GSE1: variants seen among roughly 807,000 people sequenced by gnomAD.
GSE1 encodes the protein Gse1 coiled-coil protein.
GSE1 carries 32 observed loss-of-function variants against 112.6 expected under a neutral mutation model. The observed-to-expected ratio is 0.28, with a 90% confidence interval of 0.21 to 0.38. GSE1 has a LOEUF of 0.38. Ranked by LOEUF, GSE1 falls within the 10% of genes least tolerant of loss-of-function variation. GSE1 has a pLI of 1.00. For missense variants in GSE1, 2,348 were observed against 1,699.2 expected, an observed-to-expected ratio of 1.38 and a Z score of -6.71; for synonymous variants, 1,115 against 735.6, an observed-to-expected ratio of 1.52 and a Z score of -8.35.
chr16:85,261,082 C>T (rs1020323308), intron 1 of GSE1, among the ~76,000 whole-genome samples: 1 of 152,216 alleles, frequency 6.6e-6, no homozygotes, highest in Non-Finnish European at 1.5e-5. Flanking sequence ...AGGCCTCACC[C>T]AGTGCTCTAA....
intron 3 of GSE1, among the ~76,000 whole-genome samples, chr16:85,651,506 C>G (rs972822194): frequency 4.6e-5 from 7 of 152,178 alleles, no homozygotes; most frequent in Non-Finnish European, 1.0e-4. Context: ...AGAAGGGGTT[C>G]AAGGGCCGTG....
chr16:85,598,394 A>C (rs2047326256), intron 1 of GSE1, among the ~76,000 whole-genome samples: 1 of 151,890 alleles, frequency 6.6e-6, no homozygotes, highest in South Asian at 2.1e-4. Context: ...CTTTCAGGAG[A>C]ATGCCCAGCC....
intron 2 of GSE1, among the ~76,000 whole-genome samples, chr16:85,503,989 G>A (rs951297603): frequency 4.6e-5 from 7 of 152,238 alleles, no homozygotes; most frequent in African/African-American, 1.7e-4. Context: ...AGGTGTGGCG[G>A]TGGTCACCGG....
At chr16:85,209,532 C>G (rs925681073) in intron 1 of GSE1, among the ~76,000 whole-genome samples, 1 of 151,914 alleles carries the variant, frequency 6.6e-6, no homozygotes, top group African/African-American at 2.4e-5. Context: ...CCATCACCAT[C>G]GCTGCCCCAC....
rs368834236 is a variant in GSE1, at chr16:85,626,772, G to GCGGGAGGC, written c.8-7134_8-7127dup. On this transcript the variant is annotated intron_variant, in intron 1 of 15. Coordinates refer to ENST00000253458, the MANE Select transcript of GSE1 (RefSeq NM_014615.5). Reference sequence around the variant, plus strand: ...AAAGGAAGCAGTAATTACGGGATCCGCGGGAGGCCGGGAGGGCGGCTGGCA... The same window carrying GCGGGAGGC: ...AAAGGAAGCAGTAATTACGGGATCCGCGGGAGGCCGGGAGGCCGGGAGGGCGGCTGGCA... 4.8e-3 allele frequency among the ~76,000 whole-genome samples: 724 copies of GCGGGAGGC among 152,250 alleles called. 5 individuals carry two copies. Among genetic ancestry groups the GCGGGAGGC allele is most frequent in the African/African-American group, 0.016 (668 of 41,532 alleles).
At chr16:85,294,013 C>T (rs1437383382) in intron 1 of GSE1, among the ~76,000 whole-genome samples, 1 of 152,212 alleles carries the variant, frequency 6.6e-6, no homozygotes, top group Non-Finnish European at 1.5e-5. Context: ...GAGGCGCCCT[C>T]TGTGCAATGG....
At chr16:85,250,637 T>G (rs1338794083) in intron 1 of GSE1, among the ~76,000 whole-genome samples, 1 of 152,230 alleles carries the variant, frequency 6.6e-6, no homozygotes, top group Non-Finnish European at 1.5e-5. Context: ...AGTGCTATTT[T>G]AAGTGCAGTT....
chr16:85,389,798 A>T (rs1369317047), intron 2 of GSE1, among the ~76,000 whole-genome samples: 1 of 152,230 alleles, frequency 6.6e-6, no homozygotes, highest in African/African-American at 2.4e-5. Context: ...CCTGCAAGGC[A>T]GGTGCTAGTA....
rs1192225433 is a variant in GSE1 at position 85,674,599 on chromosome 16, T to A, written c.*2060T>A. The A allele has an allele frequency of 6.6e-6, 1 of 152,232 alleles. No homozygotes were observed. The highest frequency in any genetic ancestry group is 1.9e-4 in the East Asian group (1 of 5,200). The allele number at this position is 152,232 out of a possible 1,614,324, so 9.4% of individuals were successfully genotyped here. A position where few individuals can be genotyped will look rare whatever the true frequency, so the allele number is the denominator to read the frequency against. On this transcript the variant is annotated 3_prime_UTR_variant, in exon 16 of 16. Transcript: ENST00000253458. Reference sequence around the variant, plus strand: ...GCACTTCCGCTCTCAGGCCTCCTCCTCCATCACAGATGTCTGGATGCTTTT... The same window carrying A: ...GCACTTCCGCTCTCAGGCCTCCTCCACCATCACAGATGTCTGGATGCTTTT...
chr16:85,645,720 C>G (rs1009778288), intron 2 of GSE1, among the ~76,000 whole-genome samples: 1 of 152,104 alleles, frequency 6.6e-6, no homozygotes, highest in Non-Finnish European at 1.5e-5. Context: ...GCCCCCGGAA[C>G]CAAGGCCAGG....
intron 1 of GSE1, among the ~76,000 whole-genome samples, chr16:85,569,380 G>C (rs573452184): frequency 6.6e-6 from 1 of 152,224 alleles, no homozygotes; most frequent in Admixed American, 6.5e-5. Context: ...CCAAGTGGTC[G>C]GATGTGAATT....
chr16:85,650,543 G>A (rs1004097040), intron 3 of GSE1, among the ~76,000 whole-genome samples: 6 of 152,296 alleles, frequency 3.9e-5, no homozygotes, highest in South Asian at 4.1e-4. Context: ...CGACTCCTCC[G>A]CTCTGAGCTG....
chr16:85,594,279 C>T (rs907813713), intron 1 of GSE1: 1 of 151,724 alleles, frequency 6.6e-6, no homozygotes, highest in African/African-American at 2.4e-5. Flanking sequence ...TTGGAACCGC[C>T]AGACCTCCCT....
intron 1 of GSE1, among the ~76,000 whole-genome samples, chr16:85,192,876 G>C (rs897816632): frequency 6.6e-6 from 1 of 152,218 alleles, no homozygotes; most frequent in Non-Finnish European, 1.5e-5. Context: ...TTGGGAAGAA[G>C]GGGGGATTTG....
chr16:85,604,167 C>T (rs1344315254), intron 1 of GSE1, among the ~76,000 whole-genome samples: 1 of 152,126 alleles, frequency 6.6e-6, no homozygotes. Context: ...CATTAGCAGC[C>T]ACTCCCCTCT....
Position 85,443,404 on chromosome 16 carries a change from G to A in GSE1, c.2464+85761G>A, listed in dbSNP as rs115776402. Among the ~76,000 whole-genome samples, 462 of 152,328 alleles carry A rather than the reference G, an allele frequency of 3.0e-3. 4 individuals are homozygous for A. The highest frequency in any genetic ancestry group is 0.011 in the African/African-American group (442 of 41,584). On this transcript the variant is annotated intron_variant, in intron 2 of 2. Transcript: ENST00000637419. ...CTCGGGCCAGTGTCTTCACCTCCAT[G>A]TGGCCACTTCTCCACCTGTAAAACA...
chr16:85,467,766 T>G (rs964389627), intron 2 of GSE1, among the ~76,000 whole-genome samples: 2 of 152,144 alleles, frequency 1.3e-5, no homozygotes, highest in African/African-American at 2.4e-5. Flanking sequence ...AGATACCCCC[T>G]CCAGATGGGA....
intron 2 of GSE1, among the ~76,000 whole-genome samples, chr16:85,367,041 C>T (rs2151590423): frequency 6.6e-6 from 1 of 152,330 alleles, no homozygotes; most frequent in South Asian, 2.1e-4. Context: ...GTGCCTTGGC[C>T]CGCCTGGCCA....
intron 2 of GSE1, among the ~76,000 whole-genome samples, chr16:85,493,289 C>G (rs992417782): frequency 5.9e-5 from 9 of 151,852 alleles, no homozygotes; most frequent in African/African-American, 2.2e-4. Context: ...ATTTCTATAA[C>G]AAAATAATAT....
Sources: allele counts gnomAD v4.1 joint callset (sites outside exome capture counted in the v4.1 genomes callset), GRCh38; gene constraint gnomAD v4.1.1; transcripts MANE v1.5; gene names NCBI Gene and HGNC (gene_info 2026-07-23, HGNC 2026-07-21).